KCNIP4: variants seen among roughly 807,000 people sequenced by gnomAD.
KCNIP4 encodes Kv channel-interacting protein 4.
KCNIP4 carries 12 observed loss-of-function variants against 34.0 expected under a neutral mutation model. The observed-to-expected ratio is 0.35, with a 90% CI of 0.23 to 0.57. KCNIP4 has a LOEUF of 0.57. Ranked by LOEUF, KCNIP4 falls within the 20% of genes least tolerant of loss-of-function variation. The pLI, the probability that KCNIP4 is intolerant of heterozygous loss-of-function variation, is 0.83. For synonymous variants in KCNIP4, 124 were observed against 102.2 expected (o/e 1.21, Z -1.29); for missense variants, 238 against 311.7 (o/e 0.76, Z 1.78).
chr4:21,446,537 A>G (rs1174285890), intron 1 of KCNIP4, among the ~76,000 whole-genome samples: 1 of 149,638 alleles, frequency 6.7e-6, no homozygotes, highest in Admixed American at 6.7e-5. Context: ...AAAAAACCAA[A>G]CACCGCATGT....
intron 1 of KCNIP4, among the ~76,000 whole-genome samples, chr4:20,938,056 A>T (rs1329906814): frequency 1.3e-5 from 2 of 152,220 alleles, no homozygotes; most frequent in Non-Finnish European, 2.9e-5. Context: ...CCAAGCAAAC[A>T]TGAACAGGGT....
At chr4:21,685,039 G>A (rs1463866789) in intron 1 of KCNIP4, among the ~76,000 whole-genome samples, 1 of 152,106 alleles carries the variant, frequency 6.6e-6, no homozygotes, top group African/African-American at 2.4e-5. Context: ...ATATCTTTTG[G>A]TAGGAGAGTA....
intron 1 of KCNIP4, among the ~76,000 whole-genome samples, chr4:21,096,012 G>A (rs1022368372): frequency 6.6e-6 from 1 of 152,060 alleles, no homozygotes; most frequent in Non-Finnish European, 1.5e-5. Context: ...TTTGAATATG[G>A]CATATAGCTT....
rs570704968 is a variant in KCNIP4 at position 20,937,513 on chromosome 4, C to T, written c.62-54804G>A. Among the ~76,000 whole-genome samples, 199 of 148,678 alleles carry T rather than the reference C, an allele frequency of 1.3e-3. 1 individual carries two copies. Among genetic ancestry groups the T allele is most frequent in the Admixed American group, 2.9e-3 (44 of 14,978 alleles). Reference sequence around the variant, plus strand: ...CCTCCTAAAGGGCTGGGATTACAGGCGTGAGCCACCGTGCCTGGCCCCCAA... The same window carrying T: ...CCTCCTAAAGGGCTGGGATTACAGGTGTGAGCCACCGTGCCTGGCCCCCAA... On this transcript the variant is annotated intron_variant, in intron 1 of 8. Coordinates refer to ENST00000382152, the MANE Select transcript of KCNIP4 (RefSeq NM_025221.6).
intron 1 of KCNIP4, among the ~76,000 whole-genome samples, chr4:21,444,327 G>T (rs569992034): frequency 6.6e-6 from 1 of 152,254 alleles, no homozygotes; most frequent in Non-Finnish European, 1.5e-5. Flanking sequence ...AACAAAAAAA[G>T]AGAATTTTAG....
chr4:21,304,037 G>GAGAGAGAGAC (rs1712074929), intron 1 of KCNIP4: 2 of 411,018 alleles, frequency 4.9e-6, no homozygotes, highest in South Asian at 1.4e-4. Context: ...GTATGAGAGA[G>GAGAGAGAGAC]AGAGAGAGAG....
chr4:21,173,075 A>T (rs1754130394), intron 1 of KCNIP4, among the ~76,000 whole-genome samples: 1 of 152,182 alleles, frequency 6.6e-6, no homozygotes. Context: ...CAGGAAATAG[A>T]TTCTGTTTCC....
chr4:21,576,878 T>C (rs1740778177), intron 1 of KCNIP4, among the ~76,000 whole-genome samples: 1 of 152,116 alleles, frequency 6.6e-6, no homozygotes, highest in African/African-American at 2.4e-5. Flanking sequence ...TACTATTCTA[T>C]TTTATTTTTA....
intron 1 of KCNIP4, chr4:21,697,715 G>C: frequency 8.3e-7 from 1 of 1,198,248 alleles, no homozygotes; most frequent in Non-Finnish European, 1.0e-6. Context: ...CAGGCTGCCG[G>C]TTCACACTTG....
intron 1 of KCNIP4, among the ~76,000 whole-genome samples, chr4:21,627,498 G>A: frequency 6.6e-6 from 1 of 151,776 alleles, no homozygotes; most frequent in African/African-American, 2.4e-5. Flanking sequence ...TAACACATTA[G>A]CTGTTGATTA....
chr4:21,766,763 T>C (rs578244918), intron 1 of KCNIP4, among the ~76,000 whole-genome samples: 1 of 152,272 alleles, frequency 6.6e-6, no homozygotes, highest in South Asian at 2.1e-4. Context: ...AATAAACTTA[T>C]TTCACTCTTT....
chr4:21,718,336 T>A (rs1354090373), intron 1 of KCNIP4: 1 of 152,242 alleles, frequency 6.6e-6, no homozygotes, highest in Non-Finnish European at 1.5e-5. Context: ...TTTGTATTTA[T>A]GCTTATTATG....
intron 1 of KCNIP4, among the ~76,000 whole-genome samples, chr4:21,310,841 G>GTT (rs1713077315): frequency 6.6e-6 from 1 of 151,734 alleles, no homozygotes; most frequent in African/African-American, 2.4e-5. Flanking sequence ...TGTTAGCCAG[G>GTT]ACGGTCTGGA....
intron 1 of KCNIP4, among the ~76,000 whole-genome samples, chr4:21,765,755 C>A (rs567172897): frequency 1.3e-5 from 2 of 148,766 alleles, no homozygotes; most frequent in South Asian, 4.3e-4. Context: ...TGCAAGCCAC[C>A]TGCCTGGCTG....
chr4:21,089,251 C>G (rs562989834), intron 1 of KCNIP4, among the ~76,000 whole-genome samples: 18 of 152,240 alleles, frequency 1.2e-4, no homozygotes, highest in African/African-American at 4.3e-4. Context: ...AGTGAGTTCT[C>G]ACAAGATCTG....
At chr4:20,974,326 G>A (rs928692676) in intron 1 of KCNIP4, among the ~76,000 whole-genome samples, 4 of 152,130 alleles carry the variant, frequency 2.6e-5, no homozygotes, top group Admixed American at 6.5e-5. Context: ...CAGTGCATCA[G>A]GATTCATTAT....
chr4:21,243,679 A>T (rs1760005696), intron 1 of KCNIP4, among the ~76,000 whole-genome samples: 1 of 152,194 alleles, frequency 6.6e-6, no homozygotes, highest in South Asian at 2.1e-4. Flanking sequence ...CAGTGCAGGA[A>T]ACAACACATA....
rs116560685 is a variant in KCNIP4, at chr4:21,940,405, T to C, written c.61+8166A>G. Among the ~76,000 whole-genome samples the C allele has an allele frequency of 8.1e-3, 1,236 of 152,300 alleles. 21 individuals are homozygous for C. Among genetic ancestry groups the C allele is most frequent in the African/African-American group, 0.028 (1,154 of 41,582 alleles). On this transcript the variant is annotated intron_variant, in intron 1 of 8. Coordinates refer to ENST00000382152, the MANE Select transcript of KCNIP4 (RefSeq NM_025221.6). Reference sequence around the variant, plus strand: ...AAGTAATTTTGCTTTTAAATATCCATCTCACTTCATCCTTAACTCTGTTAT... The same window carrying C: ...AAGTAATTTTGCTTTTAAATATCCACCTCACTTCATCCTTAACTCTGTTAT...
At chr4:21,772,267 T>C (rs1718848875) in intron 1 of KCNIP4, among the ~76,000 whole-genome samples, 1 of 152,234 alleles carries the variant, frequency 6.6e-6, no homozygotes, top group Non-Finnish European at 1.5e-5. Context: ...ATCCCAGGGA[T>C]GAAGCTGACT....
Sources: gnomAD v4.1 joint callset for allele counts (sites outside exome capture counted in the v4.1 genomes callset) on GRCh38, gnomAD v4.1.1 for gene constraint, MANE v1.5 for transcripts, NCBI Gene and HGNC (gene_info 2026-07-23, HGNC 2026-07-21) for gene names.